SGCD: variants seen among roughly 807,000 people sequenced by gnomAD.
SGCD encodes the protein delta-sarcoglycan.
Under a neutral mutation model 36.6 loss-of-function variants are expected in SGCD, and 18 were observed. That is an observed-to-expected ratio of 0.49 (90% CI 0.34 to 0.73). The LOEUF (loss-of-function observed/expected upper bound fraction) is 0.73. Ranked by LOEUF, SGCD falls within the 30% of genes least tolerant of loss-of-function variation. The probability of loss-of-function intolerance (pLI) is 0.01; values close to 1 mark genes in which losing one functional copy is unlikely to be tolerated. For synonymous variants in SGCD, 133 were observed against 130.6 expected, an observed-to-expected ratio of 1.02 and a Z score of -0.12; for missense variants, 387 against 346.7, an observed-to-expected ratio of 1.12 and a Z score of -0.92.
chr5:156,698,557 T>C (rs932158896), intron 7 of SGCD, among the ~76,000 whole-genome samples: 4 of 152,198 alleles, frequency 2.6e-5, no homozygotes, highest in African/African-American at 9.6e-5. Flanking sequence ...TCTGAACAGA[T>C]GGTATTCGGC....
intron 3 of SGCD, among the ~76,000 whole-genome samples, chr5:156,144,846 G>A (rs115947896): frequency 0.02 from 3,072 of 152,256 alleles, 44 homozygotes; most frequent in Non-Finnish European, 0.034. Flanking sequence ...CTGTATCTTG[G>A]AAGTATCTAG....
intron 4 of SGCD, among the ~76,000 whole-genome samples, chr5:156,542,557 A>G (rs1758391187): frequency 6.6e-6 from 1 of 152,310 alleles, no homozygotes; most frequent in East Asian, 1.9e-4. Context: ...CTGCTAGGCA[A>G]TATGCATTAT....
At chr5:155,868,483 G>A (rs1183036744), upstream of SGCD, among the ~76,000 whole-genome samples, 1 of 150,604 alleles carries the variant, frequency 6.6e-6, no homozygotes, top group Non-Finnish European at 1.5e-5. Context: ...GAGGCTTACA[G>A]GTTTGAACCA....
chr5:156,574,932 G>T (rs1019620908), intron 4 of SGCD, among the ~76,000 whole-genome samples: 1 of 152,152 alleles, frequency 6.6e-6, no homozygotes, highest in African/African-American at 2.4e-5. Flanking sequence ...CTGATGGAGG[G>T]AGGAAAAATA....
intron 1 of SGCD, among the ~76,000 whole-genome samples, chr5:155,919,257 C>G (rs1355036058): frequency 6.6e-6 from 1 of 152,126 alleles, no homozygotes; most frequent in Non-Finnish European, 1.5e-5. Flanking sequence ...AGTGCCTCTC[C>G]CAAGGTCACA....
intron 6 of SGCD, among the ~76,000 whole-genome samples, chr5:156,625,152 G>A (rs1275724712): frequency 1.3e-5 from 2 of 152,170 alleles, no homozygotes; most frequent in African/African-American, 4.8e-5. Context: ...CAGCACCATA[G>A]GAATGATGCA....
rs939156678 is a variant in SGCD at position 156,601,744 on chromosome 5, C to T, written c.502+6693C>T. On this transcript the variant is annotated intron_variant, in intron 6 of 8. Coordinates refer to ENST00000337851, the MANE Select transcript of SGCD (RefSeq NM_000337.6). ...TGTCGCCCATGCTGGAGTGCAGTGG[C>T]GCGATCTTGGCTCACTGCAAGCTCC... 2.4e-4 allele frequency among the ~76,000 whole-genome samples: 36 copies of T among 152,194 alleles called. 1 individual carries two copies. The highest frequency in any genetic ancestry group is 4.9e-4 in the Non-Finnish European group (33 of 68,004).
At chr5:155,960,467 T>C (rs1286991548) in intron 1 of SGCD, among the ~76,000 whole-genome samples, 1 of 152,048 alleles carries the variant, frequency 6.6e-6, no homozygotes, top group African/African-American at 2.4e-5. Context: ...CCTAGCCTGG[T>C]CCAATTTCAT....
intron 3 of SGCD, among the ~76,000 whole-genome samples, chr5:156,184,042 T>C (rs981651834): frequency 1.3e-5 from 2 of 152,172 alleles, no homozygotes; most frequent in Non-Finnish European, 2.9e-5. Context: ...AACATCATAG[T>C]TTAGCCTAGC....
intron 2 of SGCD, among the ~76,000 whole-genome samples, chr5:156,119,260 A>C (rs1038601678): frequency 3.3e-5 from 5 of 152,192 alleles, no homozygotes; most frequent in African/African-American, 1.2e-4. Context: ...AGGTTTAATC[A>C]GAAATAAAAC....
At chr5:156,635,779 A>G (rs975726422) in intron 6 of SGCD, among the ~76,000 whole-genome samples, 3 of 151,908 alleles carry the variant, frequency 2.0e-5, no homozygotes, top group Admixed American at 6.6e-5. Flanking sequence ...GCAAACTATC[A>G]CAAGGACAAA....
At chr5:156,305,566 G>C (rs1001114993) in intron 3 of SGCD, among the ~76,000 whole-genome samples, 2 of 152,192 alleles carry the variant, frequency 1.3e-5, no homozygotes, top group Non-Finnish European at 2.9e-5. Flanking sequence ...AGTGCAGAAG[G>C]GAAATGTGGG....
the SGCD span, among the ~76,000 whole-genome samples, chr5:155,829,319 A>G: frequency 2.0e-5 from 3 of 150,018 alleles, no homozygotes; most frequent in South Asian, 2.1e-4. Flanking sequence ...CTCCATGTTG[A>G]AGTGAGTTGA....
chr5:155,918,702 A>T (rs894369634), intron 1 of SGCD, among the ~76,000 whole-genome samples: 7 of 152,222 alleles, frequency 4.6e-5, no homozygotes, highest in African/African-American at 7.2e-5. Flanking sequence ...GAAGCAGAAC[A>T]ATGGGAGAGA....
chr5:156,307,561 T>G (rs900918494), intron 3 of SGCD, among the ~76,000 whole-genome samples: 5 of 144,446 alleles, frequency 3.5e-5, no homozygotes, highest in African/African-American at 1.0e-4. Flanking sequence ...TGTTGTTTTT[T>G]TTTTTTTTTT....
At chr5:156,084,645 G>A (rs553155815) in intron 1 of SGCD, among the ~76,000 whole-genome samples, 1 of 152,258 alleles carries the variant, frequency 6.6e-6, no homozygotes, top group South Asian at 2.1e-4. Flanking sequence ...TCTGTAAATA[G>A]AGACAGTATT....
chr5:155,841,010 C>CAA, the SGCD span, among the ~76,000 whole-genome samples: 17,624 of 61,032 alleles, frequency 0.29, 3,801 homozygotes, highest in East Asian at 0.39. Context: ...GACTCCATCT[C>CAA]AAAAAAAAAA....
chr5:156,480,254 AG>A (rs1755365755), intron 3 of SGCD, among the ~76,000 whole-genome samples: 1 of 152,250 alleles, frequency 6.6e-6, no homozygotes, highest in Admixed American at 6.5e-5. Flanking sequence ...AAGAGTTCAG[AG>A]GAAGTGATGC....
intron 6 of SGCD, among the ~76,000 whole-genome samples, chr5:156,632,392 AG>A (rs1371130490): frequency 6.6e-6 from 1 of 152,224 alleles, no homozygotes; most frequent in Non-Finnish European, 1.5e-5. Context: ...GAATAGGCAG[AG>A]ACATTGTAAC....
Sources: allele counts gnomAD v4.1 joint callset (sites outside exome capture counted in the v4.1 genomes callset), GRCh38; gene constraint gnomAD v4.1.1; transcripts MANE v1.5; gene names NCBI Gene and HGNC (gene_info 2026-07-23, HGNC 2026-07-21).